Variants in ABLIM3 observed in about 807,000 individuals in gnomAD.
ABLIM3 encodes the protein actin binding LIM protein family member 3, also known as actin-binding LIM protein 3.
In ABLIM3, 61 loss-of-function variants were observed where a neutral mutation model predicts 109.5. The ratio of observed to expected loss-of-function variants is 0.56; its 90% CI spans 0.45 to 0.69. The LOEUF (loss-of-function observed/expected upper bound fraction) is 0.69. Ranked by LOEUF, ABLIM3 falls within the 30% of genes least tolerant of loss-of-function variation. The pLI, the probability that ABLIM3 is intolerant of heterozygous loss-of-function variation, is 0.00. For missense variants in ABLIM3, 796 were observed against 889.5 expected (o/e 0.89, Z 1.34); for synonymous variants, 300 against 324.8 (o/e 0.92, Z 0.82).
intron 8 of ABLIM3, among the ~76,000 whole-genome samples, chr5:149,222,635 T>G (rs1474170988): frequency 6.6e-6 from 1 of 151,692 alleles, no homozygotes; most frequent in Non-Finnish European, 1.5e-5. Context: ...ACCCTTCTCT[T>G]GTGTAACTGA....
At chr5:149,193,200 T>C (rs1010251212) in intron 3 of ABLIM3, among the ~76,000 whole-genome samples, 4 of 152,124 alleles carry the variant, frequency 2.6e-5, no homozygotes, top group Non-Finnish European at 5.9e-5. Context: ...TAGATTATTG[T>C]GGTTGGCTTT....
intron 2 of ABLIM3, among the ~76,000 whole-genome samples, chr5:149,182,784 T>TCCA (rs751638596): frequency 6.6e-5 from 10 of 152,210 alleles, no homozygotes; most frequent in East Asian, 3.8e-4. Flanking sequence ...TTTCATAATC[T>TCCA]CCACCAGCAT....
At chr5:149,246,876 T>C (rs1041652672) in intron 17 of ABLIM3, among the ~76,000 whole-genome samples, 1 of 152,234 alleles carries the variant, frequency 6.6e-6, no homozygotes, top group Non-Finnish European at 1.5e-5. Context: ...TTTCAGCCCC[T>C]GTGGAAAACA....
At chr5:149,251,776 A>G (rs1238047041) in intron 21 of ABLIM3, among the ~76,000 whole-genome samples, 2 of 152,162 alleles carry the variant, frequency 1.3e-5, no homozygotes, top group African/African-American at 4.8e-5. Flanking sequence ...TAAGAATTCC[A>G]TGAGCTTCCT....
intron 8 of ABLIM3, among the ~76,000 whole-genome samples, chr5:149,228,244 T>C (rs1020430255): frequency 1.5e-4 from 23 of 152,228 alleles, no homozygotes; most frequent in African/African-American, 5.1e-4. Flanking sequence ...ACAAAACAAA[T>C]GAATGCCTCT....
At chr5:149,176,463 C>A (rs1325373103) in intron 2 of ABLIM3, among the ~76,000 whole-genome samples, 2 of 152,138 alleles carry the variant, frequency 1.3e-5, no homozygotes, top group East Asian at 3.9e-4. Context: ...TGTTGCATTG[C>A]AGGCAGTTGA....
At chr5:149,245,719 G>A (rs1753284338) in intron 16 of ABLIM3, among the ~76,000 whole-genome samples, 1 of 152,116 alleles carries the variant, frequency 6.6e-6, no homozygotes, top group Non-Finnish European at 1.5e-5. Flanking sequence ...GGTCTCAGTG[G>A]TCCTCAGATA....
rs139179852 is a variant in ABLIM3 at position 149,258,854 on chromosome 5, G to A, written c.*450G>A. Reference sequence around the variant, plus strand: ...GATCTGCAGCAGTCTCCCCAAATCAGTGAGCACCTTTGAGCGCCCACGAAG... The same window carrying A: ...GATCTGCAGCAGTCTCCCCAAATCAATGAGCACCTTTGAGCGCCCACGAAG... On this transcript the variant is annotated 3_prime_UTR_variant, in exon 24 of 24. Transcript: ENST00000309868. 1.0e-6 allele frequency: 1 copy of A among 990,462 alleles called. No individual in the cohort carries two copies. Among genetic ancestry groups the A allele is most frequent in the East Asian group, 1.1e-4 (1 of 8,918 alleles). 61.4% of individuals were successfully genotyped at this position (990,462 alleles called of 1,614,324 possible).
At position 149,142,006 on chromosome 5, in the gene ABLIM3, C is replaced by G. The variant is rs573331130; in HGVS notation, c.-87-3C>G. 14 of 1,594,106 alleles carry G rather than the reference C, an allele frequency of 8.8e-6. No individual in the cohort carries two copies. The East Asian group carries it at 2.5e-4, about 28-fold the overall frequency. Reference sequence around the variant, plus strand: ...GGCACTGGACTGCCTTTTCACCCCCCAGGTGATGAGTGAGGTTCGAAGAAC... The same window carrying G: ...GGCACTGGACTGCCTTTTCACCCCCGAGGTGATGAGTGAGGTTCGAAGAAC... On this transcript the variant is annotated splice_region_variant and splice_polypyrimidine_tract_variant and intron_variant, in intron 1 of 23. Transcript: ENST00000309868.
In ABLIM3 at chr5:149,259,063, G is replaced by A. The variant is rs568788888; in HGVS notation, c.*659G>A. On this transcript the variant is annotated 3_prime_UTR_variant, in exon 24 of 24. Coordinates refer to ENST00000309868, the MANE Select transcript of ABLIM3 (RefSeq NM_014945.5). The stretch of plus-strand genomic sequence containing the variant: ...TAACCTCTCCCTTGTCCAAATCTAG[G>A]ATTCCTGGTAGGAAAAGGAAAAGGC... 12 of 1,006,784 alleles carry A rather than the reference G, an allele frequency of 1.2e-5. No homozygotes were observed. The East Asian group carries it at 1.1e-3, about 94-fold the overall frequency. The allele number at this position is 1,006,784 out of a possible 1,614,324, so 62.4% of individuals were successfully genotyped here. A position where few individuals can be genotyped will look rare whatever the true frequency, so the allele number is the denominator to read the frequency against.
intron 2 of ABLIM3, among the ~76,000 whole-genome samples, chr5:149,173,487 C>A (rs1454177839): frequency 6.6e-6 from 1 of 152,118 alleles, no homozygotes; most frequent in East Asian, 1.9e-4. Context: ...ATCATAGAGA[C>A]CCTGAGCCAC....
chr5:149,201,236 G>A (rs1758457037), intron 5 of ABLIM3, among the ~76,000 whole-genome samples: 1 of 152,148 alleles, frequency 6.6e-6, no homozygotes, highest in South Asian at 2.1e-4. Flanking sequence ...TGCTGCACAT[G>A]CCCACACACA....
chr5:149,234,063 C>G (rs1183717927), intron 10 of ABLIM3, among the ~76,000 whole-genome samples: 1 of 152,170 alleles, frequency 6.6e-6, no homozygotes, highest in African/African-American at 2.4e-5. Context: ...TGCCTGTCCT[C>G]ATGACATTGA....
chr5:149,181,097 G>A (rs572847520), intron 2 of ABLIM3, among the ~76,000 whole-genome samples: 18 of 152,068 alleles, frequency 1.2e-4, no homozygotes, highest in Admixed American at 6.6e-4. Context: ...TGTACTATTC[G>A]TTCTTATTTT....
intron 23 of ABLIM3, among the ~76,000 whole-genome samples, chr5:149,256,018 T>G (rs1754394730): frequency 6.6e-6 from 1 of 152,202 alleles, no homozygotes; most frequent in Admixed American, 6.5e-5. Context: ...ACATGGCCAT[T>G]TCTCCCTGGC....
At chr5:149,161,151 A>G (rs1754329100) in intron 2 of ABLIM3, among the ~76,000 whole-genome samples, 1 of 152,060 alleles carries the variant, frequency 6.6e-6, no homozygotes, top group Non-Finnish European at 1.5e-5. Context: ...CCTGGGCATC[A>G]CCCACAGCTC....
At chr5:149,171,377 A>G (rs1322562623) in intron 2 of ABLIM3, among the ~76,000 whole-genome samples, 2 of 152,196 alleles carry the variant, frequency 1.3e-5, no homozygotes, top group Non-Finnish European at 2.9e-5. Flanking sequence ...TGCTTTATGT[A>G]TATTGCATCT....
At chr5:149,228,713 A>G (rs1445763969) in intron 8 of ABLIM3, among the ~76,000 whole-genome samples, 1 of 152,188 alleles carries the variant, frequency 6.6e-6, no homozygotes. Context: ...ATTTACAGAT[A>G]TACTACCAAC....
intron 18 of ABLIM3, among the ~76,000 whole-genome samples, chr5:149,248,689 C>CAAAAAAA (rs10659679): frequency 3.8e-5 from 3 of 78,986 alleles, no homozygotes; most frequent in African/African-American, 5.2e-5. Flanking sequence ...GACTCTCTCT[C>CAAAAAAA]AAAAAAAAAA....
Sources: allele counts gnomAD v4.1 joint callset (sites outside exome capture counted in the v4.1 genomes callset), GRCh38; gene constraint gnomAD v4.1.1; transcripts MANE v1.5; gene names NCBI Gene and HGNC (gene_info 2026-07-23, HGNC 2026-07-21).